Variants in CNBD1 observed in about 807,000 individuals in gnomAD.
The protein encoded by CNBD1 is cyclic nucleotide binding domain containing 1.
Under a neutral mutation model 54.4 loss-of-function variants are expected in CNBD1, and 71 were observed. The observed-to-expected ratio is 1.30, with a 90% CI of 1.08 to 1.59. The LOEUF is 1.59. CNBD1 is among the 40% of genes most tolerant of loss of function. CNBD1 has a pLI of 0.00. For synonymous variants in CNBD1, 182 were observed against 170.7 expected (o/e 1.07, Z -0.51); for missense variants, 659 against 518.0 (o/e 1.27, Z -2.64).
At chr8:87,059,123 A>T (rs921273803) in intron 4 of CNBD1, among the ~76,000 whole-genome samples, 2 of 152,158 alleles carry the variant, frequency 1.3e-5, no homozygotes, top group African/African-American at 4.8e-5. Flanking sequence ...CTAGCTCCCA[A>T]CAAGTTTCTC....
In CNBD1 at chr8:87,206,514, G is replaced by A. The variant is rs148008689; in HGVS notation, c.577+376G>A. Among the ~76,000 whole-genome samples the A allele has an allele frequency of 3.3e-3, 506 of 152,132 alleles. 2 individuals carry two copies. Among genetic ancestry groups the A allele is most frequent in the African/African-American group, 0.012 (488 of 41,470 alleles). On this transcript the variant is annotated intron_variant, in intron 5 of 10. Coordinates refer to ENST00000518476, the MANE Select transcript of CNBD1 (RefSeq NM_173538.3). ...CACCAGTGCAGGGACCACACTTGTGGAACCAATATCTGAGATACACATTTA... is the reference window on the plus strand; with the variant it reads ...CACCAGTGCAGGGACCACACTTGTGAAACCAATATCTGAGATACACATTTA...
intron 2 of CNBD1, among the ~76,000 whole-genome samples, chr8:87,415,485 G>A (rs1586088728): frequency 6.6e-6 from 1 of 151,942 alleles, no homozygotes; most frequent in East Asian, 1.9e-4. Flanking sequence ...AGCACTCTCA[G>A]AACATAGATA....
At chr8:86,964,882 C>A (rs149002730) in intron 4 of CNBD1, among the ~76,000 whole-genome samples, 2 of 152,136 alleles carry the variant, frequency 1.3e-5, no homozygotes, top group Non-Finnish European at 2.9e-5. Context: ...GGTTACACTA[C>A]AAGGCAAAGA....
intron 8 of CNBD1, among the ~76,000 whole-genome samples, chr8:87,336,822 T>A (rs1295647490): frequency 6.6e-6 from 1 of 152,210 alleles, no homozygotes; most frequent in African/African-American, 2.4e-5. Context: ...CTTTCTCATC[T>A]TTTTGAGTTT....
At chr8:87,305,201 G>A (rs1809116757) in intron 8 of CNBD1, among the ~76,000 whole-genome samples, 2 of 152,024 alleles carry the variant, frequency 1.3e-5, no homozygotes, top group South Asian at 4.1e-4. Context: ...ACCTAACCAA[G>A]AAGTTGAAAG....
chr8:87,103,229 G>A (rs1385295398), intron 4 of CNBD1, among the ~76,000 whole-genome samples: 4 of 152,030 alleles, frequency 2.6e-5, no homozygotes, highest in African/African-American at 9.7e-5. Context: ...TGAGTAGGAT[G>A]GGAAAGAAAT....
At chr8:87,037,525 T>C (rs927114679) in intron 4 of CNBD1, among the ~76,000 whole-genome samples, 2 of 152,134 alleles carry the variant, frequency 1.3e-5, no homozygotes, top group East Asian at 3.8e-4. Context: ...TCTTATATTT[T>C]CCAGTTTATC....
intron 8 of CNBD1, among the ~76,000 whole-genome samples, chr8:87,338,684 G>A (rs1810003827): frequency 6.6e-6 from 1 of 150,802 alleles, no homozygotes; most frequent in Admixed American, 6.6e-5. Flanking sequence ...GGTAGGTTGG[G>A]TTTTCATTTT....
intron 2 of CNBD1, among the ~76,000 whole-genome samples, chr8:87,419,391 T>A (rs1807888364): frequency 6.6e-6 from 1 of 151,926 alleles, no homozygotes; most frequent in Non-Finnish European, 1.5e-5. Context: ...CACAGTTGTA[T>A]GAATACACTG....
At chr8:87,335,772 A>C (rs1809933178) in intron 8 of CNBD1, among the ~76,000 whole-genome samples, 2 of 152,124 alleles carry the variant, frequency 1.3e-5, no homozygotes, top group African/African-American at 2.4e-5. Flanking sequence ...TATTTTGCAC[A>C]CTAGTAGATG....
chr8:86,884,068 C>T lies in CNBD1; in HGVS notation c.89-3474C>T, dbSNP rs1253081368. ...TTGGGAGGCTGAGGCAGGAGAATGG[C>T]GTGAACCCGGGAGGCGGAGCTTGCA... On this transcript the variant is annotated intron_variant, in intron 1 of 10. Transcript: ENST00000518476. 2.0e-5 allele frequency among the ~76,000 whole-genome samples: 3 copies of T among 151,378 alleles called. No individual in the cohort carries two copies. The South Asian group carries it at 6.3e-4, about 32-fold the overall frequency.
chr8:87,018,165 C>T (rs1261521363), intron 4 of CNBD1, among the ~76,000 whole-genome samples: 1 of 152,190 alleles, frequency 6.6e-6, no homozygotes, highest in East Asian at 1.9e-4. Flanking sequence ...ATCGCTTGAA[C>T]CTGGGAAGCA....
At chr8:87,365,517 C>T (rs1810625494) in intron 10 of CNBD1, among the ~76,000 whole-genome samples, 2 of 151,980 alleles carry the variant, frequency 1.3e-5, no homozygotes, top group Non-Finnish European at 2.9e-5. Flanking sequence ...ATTTGCTATA[C>T]TTGAAACCAC....
intron 4 of CNBD1, among the ~76,000 whole-genome samples, chr8:86,987,863 G>A (rs1054916596): frequency 6.6e-6 from 1 of 152,128 alleles, no homozygotes; most frequent in African/African-American, 2.4e-5. Flanking sequence ...TGATCATGGT[G>A]TATTAACTTT....
intron 6 of CNBD1, among the ~76,000 whole-genome samples, chr8:87,273,388 GCCCAAA>G (rs913763215): frequency 5.3e-5 from 8 of 151,852 alleles, no homozygotes; most frequent in Non-Finnish European, 1.0e-4. Flanking sequence ...TAAGTAAGAA[GCCCAAA>G]TCTACCTGAA....
At chr8:87,390,034 A>T (rs184121830) in intron 2 of CNBD1, among the ~76,000 whole-genome samples, 57,626 of 147,440 alleles carry the variant, frequency 0.39, 11,602 homozygotes, top group Middle Eastern at 0.46. Flanking sequence ...CTGGGAAAAC[A>T]GGCTAGCCAT....
At chr8:87,302,311 C>T (rs1482534030) in intron 8 of CNBD1, among the ~76,000 whole-genome samples, 3 of 152,276 alleles carry the variant, frequency 2.0e-5, no homozygotes, top group Admixed American at 1.3e-4. Flanking sequence ...GGCTTCATCG[C>T]TGGGATGCAA....
chr8:87,130,517 C>T (rs575061577), intron 4 of CNBD1, among the ~76,000 whole-genome samples: 4 of 151,992 alleles, frequency 2.6e-5, no homozygotes, highest in African/African-American at 9.7e-5. Context: ...TGGTTCACAC[C>T]TCTAATTCTA....
At chr8:87,351,443 C>T (rs1028846413) in intron 8 of CNBD1, among the ~76,000 whole-genome samples, 1 of 152,184 alleles carries the variant, frequency 6.6e-6, no homozygotes, top group Non-Finnish European at 1.5e-5. Flanking sequence ...ACTAGCATAT[C>T]AGTGCCTTTA....
Sources: allele counts gnomAD v4.1 joint callset (sites outside exome capture counted in the v4.1 genomes callset), GRCh38; gene constraint gnomAD v4.1.1; transcripts MANE v1.5; gene names NCBI Gene and HGNC (gene_info 2026-07-23, HGNC 2026-07-21).